TMEM132B: variants seen among roughly 807,000 people sequenced by gnomAD.
TMEM132B encodes the protein transmembrane protein 132B.
A neutral mutation model predicts 90.8 loss-of-function variants in TMEM132B; 18 were observed. The ratio of observed to expected loss-of-function variants is 0.20; its 90% CI spans 0.14 to 0.29. TMEM132B has a LOEUF of 0.29. Ranked by LOEUF, TMEM132B falls within the 10% of genes least tolerant of loss-of-function variation. The pLI is 1.00. For missense variants in TMEM132B, 1,096 were observed against 1,326.8 expected, an observed-to-expected ratio of 0.83 and a Z score of 2.70; for synonymous variants, 504 against 523.3, an observed-to-expected ratio of 0.96 and a Z score of 0.50.
At chr12:125,560,831 CAAAAAAAAAAA>C (rs58083131) in intron 4 of TMEM132B, among the ~76,000 whole-genome samples, 6 of 29,252 alleles carry the variant, frequency 2.1e-4, no homozygotes, top group East Asian at 2.0e-3. Flanking sequence ...GACTCTGTCT[CAAAAAAAAAAA>C]AAAAAAAAAA....
chr12:125,371,980 T>C (rs927775512), intron 2 of TMEM132B, among the ~76,000 whole-genome samples: 17 of 152,212 alleles, frequency 1.1e-4, no homozygotes, highest in Non-Finnish European at 2.5e-4. Flanking sequence ...AGACAGAATA[T>C]TTCAGAAAAA....
At chr12:125,615,770 G>GT (rs938722809) in intron 5 of TMEM132B, among the ~76,000 whole-genome samples, 2 of 152,044 alleles carry the variant, frequency 1.3e-5, no homozygotes, top group African/African-American at 4.8e-5. Flanking sequence ...TACCTGTTTT[G>GT]TTTTTTACCA....
intron 3 of TMEM132B, among the ~76,000 whole-genome samples, chr12:125,453,073 T>TC (rs1881197122): frequency 7.6e-6 from 1 of 132,394 alleles, no homozygotes; most frequent in Non-Finnish European, 1.6e-5. Context: ...TGCATTTCAG[T>TC]AAAACACACA....
intron 6 of TMEM132B, among the ~76,000 whole-genome samples, chr12:125,645,745 G>A (rs1334101234): frequency 6.6e-6 from 1 of 152,228 alleles, no homozygotes; most frequent in Non-Finnish European, 1.5e-5. Flanking sequence ...TTACTGGCTT[G>A]CAGAACTGTG....
At chr12:125,252,562 A>G (rs1188951283) in intron 1 of TMEM132B, among the ~76,000 whole-genome samples, 3 of 152,066 alleles carry the variant, frequency 2.0e-5, no homozygotes, top group African/African-American at 7.2e-5. Context: ...AACCTGGCCA[A>G]CTCCACGGGT....
intron 1 of TMEM132B, among the ~76,000 whole-genome samples, chr12:125,329,190 A>G (rs11058140): frequency 0.02 from 3,010 of 152,322 alleles, 203 homozygotes; most frequent in Admixed American, 0.14. Context: ...AGGATATGGC[A>G]AGAATGCATG....
At chr12:125,515,836 A>T (rs1181111481) in intron 3 of TMEM132B, among the ~76,000 whole-genome samples, 2 of 104,468 alleles carry the variant, frequency 1.9e-5, no homozygotes, top group African/African-American at 5.4e-5. Flanking sequence ...ACATTCTGTC[A>T]CACACACACC....
At chr12:125,421,030 C>T (rs1880152150) in intron 3 of TMEM132B, among the ~76,000 whole-genome samples, 1 of 152,206 alleles carries the variant, frequency 6.6e-6, no homozygotes, top group African/African-American at 2.4e-5. Flanking sequence ...CATCTGAGAC[C>T]ACCTTAACTT....
chr12:125,366,382 A>G (rs748476564), intron 2 of TMEM132B, among the ~76,000 whole-genome samples: 3 of 152,126 alleles, frequency 2.0e-5, no homozygotes, highest in Non-Finnish European at 4.4e-5. Flanking sequence ...CCCACCAACA[A>G]TGTAGGAGTG....
At chr12:125,638,107 G>A (rs1886533928) in intron 5 of TMEM132B, among the ~76,000 whole-genome samples, 1 of 152,170 alleles carries the variant, frequency 6.6e-6, no homozygotes, top group African/African-American at 2.4e-5. Flanking sequence ...TCCTTGCCTG[G>A]GCTGCACTGA....
intron 1 of TMEM132B, among the ~76,000 whole-genome samples, chr12:125,279,494 A>T (rs11058121): frequency 1.3e-5 from 2 of 152,114 alleles, no homozygotes; most frequent in Non-Finnish European, 2.9e-5. Context: ...CTAGTCCCCA[A>T]TACAAACCCT....
chr12:125,515,713 C>A (rs532941180), intron 3 of TMEM132B, among the ~76,000 whole-genome samples: 1 of 151,988 alleles, frequency 6.6e-6, no homozygotes, highest in East Asian at 1.9e-4. Flanking sequence ...ACAACACATT[C>A]ACACGTTCTC....
intron 1 of TMEM132B, among the ~76,000 whole-genome samples, chr12:125,288,609 CT>C (rs1875438823): frequency 6.6e-6 from 1 of 151,676 alleles, no homozygotes; most frequent in Non-Finnish European, 1.5e-5. Context: ...TGTGGGTATT[CT>C]TGGAATCACA....
At chr12:125,397,520 A>G (rs1261100800) in intron 2 of TMEM132B, among the ~76,000 whole-genome samples, 1 of 152,240 alleles carries the variant, frequency 6.6e-6, no homozygotes, top group Non-Finnish European at 1.5e-5. Context: ...TACTAATTGA[A>G]TCATGAGAAA....
chr12:125,560,077 C>T (rs920639576), intron 4 of TMEM132B, among the ~76,000 whole-genome samples: 4 of 152,298 alleles, frequency 2.6e-5, no homozygotes, highest in East Asian at 1.9e-4. Flanking sequence ...TGGTGTCCAC[C>T]GAGGGCTTGG....
chr12:125,634,138 C>T (rs1413429403), intron 5 of TMEM132B, among the ~76,000 whole-genome samples: 1 of 152,178 alleles, frequency 6.6e-6, no homozygotes, highest in African/African-American at 2.4e-5. Context: ...GCACTCAAAC[C>T]ACTAGACGCA....
intron 4 of TMEM132B, among the ~76,000 whole-genome samples, chr12:125,566,811 C>CTCCTTCT (rs1309379826): frequency 6.7e-6 from 1 of 149,976 alleles, no homozygotes; most frequent in African/African-American, 2.5e-5. Context: ...CCTCCTTCTC[C>CTCCTTCT]TCCTTCTTCT....
At chr12:125,369,336 G>A (rs1474511372) in intron 2 of TMEM132B, among the ~76,000 whole-genome samples, 1 of 152,148 alleles carries the variant, frequency 6.6e-6, no homozygotes, top group Non-Finnish European at 1.5e-5. Context: ...AAACATACAT[G>A]TGCATTTGTC....
At chr12:125,523,411 C>T (rs1056580542) in intron 4 of TMEM132B, among the ~76,000 whole-genome samples, 1 of 152,224 alleles carries the variant, frequency 6.6e-6, no homozygotes, top group Admixed American at 6.5e-5. Flanking sequence ...ATCACCTTCT[C>T]TGAGTCTCCT....
Sources: gnomAD v4.1 joint callset for allele counts (sites outside exome capture counted in the v4.1 genomes callset) on GRCh38, gnomAD v4.1.1 for gene constraint, MANE v1.5 for transcripts, NCBI Gene and HGNC (gene_info 2026-07-23, HGNC 2026-07-21) for gene names.